SHC3: variants seen among roughly 807,000 people sequenced by gnomAD.
SHC3 encodes SHC-transforming protein 3.
Under a neutral mutation model 60.4 loss-of-function variants are expected in SHC3, and 15 were observed. The observed-to-expected ratio is 0.25, with a 90% CI of 0.17 to 0.38. The LOEUF (loss-of-function observed/expected upper bound fraction) is 0.38. Ranked by LOEUF, SHC3 falls within the 10% of genes least tolerant of loss-of-function variation. The probability of loss-of-function intolerance (pLI) is 1.00; values close to 1 mark genes in which losing one functional copy is unlikely to be tolerated. For missense variants in SHC3, 677 were observed against 786.1 expected, an observed-to-expected ratio of 0.86 and a Z score of 1.66; for synonymous variants, 294 against 325.9, an observed-to-expected ratio of 0.90 and a Z score of 1.05.
At chr9:89,064,796 A>T (rs1825150859) in intron 6 of SHC3, among the ~76,000 whole-genome samples, 1 of 152,202 alleles carries the variant, frequency 6.6e-6, no homozygotes, top group African/African-American at 2.4e-5. Context: ...TTAAAAAGAG[A>T]GGGTATGTAT....
At chr9:89,130,479 A>C (rs1826228393) in intron 1 of SHC3, among the ~76,000 whole-genome samples, 1 of 152,208 alleles carries the variant, frequency 6.6e-6, no homozygotes. Flanking sequence ...TCAGCACCAC[A>C]TTGCACTTAT....
intron 2 of SHC3, among the ~76,000 whole-genome samples, chr9:89,089,508 A>G (rs1259340493): frequency 6.6e-6 from 1 of 152,204 alleles, no homozygotes; most frequent in African/African-American, 2.4e-5. Context: ...AGAAGCCAGC[A>G]CTGCCCTTAG....
At chr9:89,158,067 T>G (rs1453144381) in intron 1 of SHC3, among the ~76,000 whole-genome samples, 4 of 151,760 alleles carry the variant, frequency 2.6e-5, no homozygotes, top group Non-Finnish European at 5.9e-5. Context: ...TTAACCCTTT[T>G]TTTTAGTTTC....
At chr9:89,014,968 C>CA (rs1488711348) in intron 11 of SHC3, among the ~76,000 whole-genome samples, 9 of 152,216 alleles carry the variant, frequency 5.9e-5, no homozygotes, top group Admixed American at 1.3e-4. Context: ...CCTCTCCCCC[C>CA]ATCTCTGTAA....
At chr9:89,166,118 C>T (rs1318721730) in intron 1 of SHC3, among the ~76,000 whole-genome samples, 4 of 152,120 alleles carry the variant, frequency 2.6e-5, no homozygotes, top group African/African-American at 4.8e-5. Context: ...GGCCCACACA[C>T]TCATGCACTG....
intron 1 of SHC3, among the ~76,000 whole-genome samples, chr9:89,115,537 C>T (rs1255985005): frequency 2.0e-5 from 3 of 152,150 alleles, no homozygotes; most frequent in Admixed American, 1.3e-4. Context: ...TAAATACCAT[C>T]ATCAGCAATG....
At chr9:89,044,207 A>G (rs1824736260) in intron 9 of SHC3, among the ~76,000 whole-genome samples, 1 of 152,244 alleles carries the variant, frequency 6.6e-6, no homozygotes, top group Non-Finnish European at 1.5e-5. Flanking sequence ...ATGGAAATGC[A>G]TTTTAAATGT....
intron 2 of SHC3, chr9:89,110,578 G>C (rs567306221): frequency 1.7e-6 from 1 of 597,076 alleles, no homozygotes; most frequent in East Asian, 1.4e-4. Context: ...TTCTGAAGTT[G>C]ATTTGTCAAA....
chr9:89,161,210 T>C (rs1428262928), intron 1 of SHC3, among the ~76,000 whole-genome samples: 1 of 152,196 alleles, frequency 6.6e-6, no homozygotes, highest in Admixed American at 6.5e-5. Flanking sequence ...AGGTTTCTCA[T>C]GAATGGTTTA....
At chr9:89,071,095 C>A in intron 5 of SHC3, 104 bp downstream of exon 5, 3 of 1,066,266 alleles carry the variant, frequency 2.8e-6, no homozygotes, top group Non-Finnish European at 4.1e-6. Flanking sequence ...GTTGCCATCA[C>A]AATTAACCTT....
intron 5 of SHC3, among the ~76,000 whole-genome samples, chr9:89,067,089 G>A (rs978706639): frequency 2.0e-5 from 3 of 152,168 alleles, no homozygotes; most frequent in Non-Finnish European, 4.4e-5. Flanking sequence ...ACTGTTCCCT[G>A]GTGTATTCAC....
At chr9:89,034,620 ATTC>A (rs1824541744) in intron 11 of SHC3, among the ~76,000 whole-genome samples, 1 of 152,216 alleles carries the variant, frequency 6.6e-6, no homozygotes, top group South Asian at 2.1e-4. Context: ...ATCACACCAC[ATTC>A]TTCTCTCTCC....
chr9:89,093,489 G>T (rs759650503), intron 2 of SHC3, among the ~76,000 whole-genome samples: 49 of 149,464 alleles, frequency 3.3e-4, no homozygotes, highest in Non-Finnish European at 2.2e-4. Flanking sequence ...GATAAGGCAA[G>T]ATATTTCCAG....
At chr9:89,169,431 C>A (rs927116181) in intron 1 of SHC3, among the ~76,000 whole-genome samples, 1 of 152,194 alleles carries the variant, frequency 6.6e-6, no homozygotes, top group African/African-American at 2.4e-5. Context: ...GTGTGCTCTC[C>A]AAGCACTGAG....
At chr9:89,055,506 T>C (rs1398875035) in intron 6 of SHC3, among the ~76,000 whole-genome samples, 1 of 152,236 alleles carries the variant, frequency 6.6e-6, no homozygotes, top group Non-Finnish European at 1.5e-5. Flanking sequence ...GGCACCTCTC[T>C]AAGGCAGCCA....
chr9:89,044,419 T>A (rs552084395), intron 9 of SHC3, among the ~76,000 whole-genome samples: 4 of 152,326 alleles, frequency 2.6e-5, no homozygotes, highest in South Asian at 4.1e-4. Flanking sequence ...GAGGACATTT[T>A]AAAAATGTAT....
intron 11 of SHC3, among the ~76,000 whole-genome samples, chr9:89,033,599 A>T (rs1260232120): frequency 6.6e-6 from 1 of 152,228 alleles, no homozygotes; most frequent in African/African-American, 2.4e-5. Flanking sequence ...GTGTTTGTTC[A>T]TCAAATGCTT....
At chr9:89,065,093 G>C (rs1825155912) in intron 6 of SHC3, among the ~76,000 whole-genome samples, 1 of 152,062 alleles carries the variant, frequency 6.6e-6, no homozygotes, top group Non-Finnish European at 1.5e-5. Flanking sequence ...AAGCTGAAAG[G>C]GATATAATCA....
chr9:89,166,092 T>C (rs1182191278), intron 1 of SHC3, among the ~76,000 whole-genome samples: 2 of 152,126 alleles, frequency 1.3e-5, no homozygotes, highest in African/African-American at 4.8e-5. Context: ...TCTGCTTCTG[T>C]CGCCTCCTGG....
Sources: gnomAD v4.1 joint callset for allele counts (sites outside exome capture counted in the v4.1 genomes callset) on GRCh38, gnomAD v4.1.1 for gene constraint, MANE v1.5 for transcripts, NCBI Gene and HGNC (gene_info 2026-07-23, HGNC 2026-07-21) for gene names.